DOCK5: variants seen among roughly 807,000 people sequenced by gnomAD.
DOCK5 encodes the protein dedicator of cytokinesis 5.
DOCK5 carries 142 observed loss-of-function variants against 251.8 expected under a neutral mutation model. The ratio of observed to expected loss-of-function variants is 0.56; its 90% CI spans 0.49 to 0.65. The LOEUF is 0.65. Ranked by LOEUF, DOCK5 falls within the 30% of genes least tolerant of loss-of-function variation. The pLI is 0.00. For missense variants in DOCK5, 2,111 were observed against 2,312.3 expected (o/e 0.91, Z 1.79); for synonymous variants, 842 against 835.5 (o/e 1.01, Z -0.13).
chr8:25,369,118 A>G (rs1795764801), intron 33 of DOCK5, among the ~76,000 whole-genome samples: 1 of 152,222 alleles, frequency 6.6e-6, no homozygotes, highest in African/African-American at 2.4e-5. Context: ...AGCTTTGAGA[A>G]TGTCATTTTC....
At chr8:25,228,348 G>T (rs1384136032) in intron 1 of DOCK5, among the ~76,000 whole-genome samples, 1 of 152,176 alleles carries the variant, frequency 6.6e-6, no homozygotes, top group African/African-American at 2.4e-5. Flanking sequence ...CCCCAAATTG[G>T]GGCTTAACCT....
chr8:25,402,231 C>T (rs1040547709), intron 47 of DOCK5, among the ~76,000 whole-genome samples: 4 of 152,160 alleles, frequency 2.6e-5, no homozygotes, highest in Non-Finnish European at 5.9e-5. Context: ...AGGCTCAAGC[C>T]ATCCTCCCAC....
rs1379667193 is a variant in DOCK5 at position 25,413,450 on chromosome 8, AAGG to A, written c.*2159_*2161del. On this transcript the variant is annotated 3_prime_UTR_variant, in exon 52 of 52. Coordinates refer to ENST00000276440, the MANE Select transcript of DOCK5 (RefSeq NM_024940.8). ...ATGGAGAGAACTCAAGCTGTAGAGA[AAGG>A]AGGAGGCAACAGACAGGATATGTAG... The A allele has an allele frequency of 6.6e-6, 1 of 152,218 alleles. No homozygotes were observed. Among genetic ancestry groups the A allele is most frequent in the Non-Finnish European group, 1.5e-5 (1 of 68,042 alleles). 9.4% of individuals were successfully genotyped at this position (152,218 alleles called of 1,614,324 possible). A position where few individuals can be genotyped will look rare whatever the true frequency, so the allele number is the denominator to read the frequency against.
chr8:25,279,699 C>A (rs1253871842), intron 5 of DOCK5, among the ~76,000 whole-genome samples: 1 of 152,112 alleles, frequency 6.6e-6, no homozygotes, highest in Admixed American at 6.5e-5. Flanking sequence ...CTCACTGCAA[C>A]CTCCGCCTCC....
chr8:25,317,147 C>T lies in DOCK5; in HGVS notation c.1443+16C>T. The T allele has an allele frequency of 6.2e-7, 1 of 1,609,944 alleles. No individual in the cohort carries two copies. The highest frequency in any genetic ancestry group is 8.5e-7 in the Non-Finnish European group (1 of 1,177,046). On this transcript the variant is annotated intron_variant, in intron 14 of 51. Coordinates refer to ENST00000276440, the MANE Select transcript of DOCK5 (RefSeq NM_024940.8). ...GCTCTTGGAGGTGCGCGGCATGGCCCAGAAATCCTGCTACCATCGCATCCG... is the reference window on the plus strand; with the variant it reads ...GCTCTTGGAGGTGCGCGGCATGGCCTAGAAATCCTGCTACCATCGCATCCG...
At position 25,411,797 on chromosome 8, in the gene DOCK5, A is replaced by G. The variant is rs1046414510; in HGVS notation, c.*499A>G. ...ATATCAAGTACACTTTGGTAGCTGA[A>G]ATAATCATATCTTTCTGATGTCTAT... On this transcript the variant is annotated 3_prime_UTR_variant, in exon 52 of 52. Transcript: ENST00000276440. The G allele has an allele frequency of 6.6e-6, 1 of 152,554 alleles. No homozygotes were observed. Among genetic ancestry groups the G allele is most frequent in the Admixed American group, 6.5e-5 (1 of 15,292 alleles). The allele number at this position is 152,554 out of a possible 1,614,324, so 9.5% of individuals were successfully genotyped here.
intron 21 of DOCK5, among the ~76,000 whole-genome samples, chr8:25,334,565 G>T (rs865921624): frequency 6.6e-6 from 1 of 152,044 alleles, no homozygotes; most frequent in East Asian, 1.9e-4. Context: ...TAAAAAGTTA[G>T]CCAGGTGTGG....
chr8:25,346,055 T>C (rs1218391071), intron 26 of DOCK5, among the ~76,000 whole-genome samples: 3 of 152,156 alleles, frequency 2.0e-5, no homozygotes. Flanking sequence ...TTTCACTGTG[T>C]TAGCCAGGAT....
At chr8:25,252,589 C>T (rs1803299241) in intron 2 of DOCK5, among the ~76,000 whole-genome samples, 1 of 152,182 alleles carries the variant, frequency 6.6e-6, no homozygotes, top group Admixed American at 6.5e-5. Flanking sequence ...TTGGTCACTT[C>T]CCACATCTGT....
intron 2 of DOCK5, among the ~76,000 whole-genome samples, chr8:25,262,090 CATTCTT>C (rs1803601485): frequency 6.6e-6 from 1 of 152,160 alleles, no homozygotes; most frequent in South Asian, 2.1e-4. Context: ...CATTCACAAA[CATTCTT>C]ATAAAGCACT....
chr8:25,351,948 T>A, intron 27 of DOCK5, 122 bp downstream of exon 27: 1 of 688,876 alleles, frequency 1.5e-6, no homozygotes, highest in South Asian at 1.8e-5. Context: ...ACATCATGGG[T>A]CATTGGTTAT....
At chr8:25,307,569 T>G (rs1683386291) in intron 11 of DOCK5, among the ~76,000 whole-genome samples, 1 of 152,224 alleles carries the variant, frequency 6.6e-6, no homozygotes, top group African/African-American at 2.4e-5. Flanking sequence ...TTTAAGATTA[T>G]ATGTACATAA....
At chr8:25,197,784 T>C (rs1261290709) in intron 1 of DOCK5, among the ~76,000 whole-genome samples, 1 of 144,404 alleles carries the variant, frequency 6.9e-6, no homozygotes, top group Non-Finnish European at 1.5e-5. Flanking sequence ...GGAGTCTCGC[T>C]CTGTCACCCA....
intron 4 of DOCK5, chr8:25,277,315 A>G (rs375358976): frequency 2.0e-5 from 3 of 153,176 alleles, no homozygotes; most frequent in Admixed American, 1.3e-4. Flanking sequence ...GGTGTATGTC[A>G]TCAATTCTAA....
chr8:25,304,704 T>G (rs1324560182), intron 11 of DOCK5: 1 of 168,286 alleles, frequency 5.9e-6, no homozygotes, highest in African/African-American at 2.4e-5. Context: ...ATAGGGCTTC[T>G]CAGACTGCAT....
At chr8:25,194,243 A>G (rs1801661130) in intron 1 of DOCK5, among the ~76,000 whole-genome samples, 1 of 151,764 alleles carries the variant, frequency 6.6e-6, no homozygotes, top group Non-Finnish European at 1.5e-5. Context: ...GCAGTGAGCC[A>G]AGATCACGCC....
chr8:25,295,218 C>A (rs1396596991), intron 6 of DOCK5, among the ~76,000 whole-genome samples: 1 of 151,920 alleles, frequency 6.6e-6, no homozygotes, highest in Non-Finnish European at 1.5e-5. Context: ...GTGGGAGGCT[C>A]ACTTGAAGCC....
At chr8:25,189,051 T>C (rs1048288175) in intron 1 of DOCK5, among the ~76,000 whole-genome samples, 4 of 142,682 alleles carry the variant, frequency 2.8e-5, no homozygotes, top group African/African-American at 1.0e-4. Flanking sequence ...TCTTTCTTTT[T>C]TTTTTTTTTT....
At chr8:25,243,610 T>A (rs1054934141) in intron 1 of DOCK5, 64 bp from the exon 2 acceptor site, 2 of 1,494,708 alleles carry the variant, frequency 1.3e-6, no homozygotes, top group African/African-American at 1.4e-5. Context: ...ATTATAGGCG[T>A]GAGCCACCGT....
Sources: gnomAD v4.1 joint callset for allele counts (sites outside exome capture counted in the v4.1 genomes callset) on GRCh38, gnomAD v4.1.1 for gene constraint, MANE v1.5 for transcripts, NCBI Gene and HGNC (gene_info 2026-07-23, HGNC 2026-07-21) for gene names.